Variants in KCNH7 observed in about 807,000 individuals in gnomAD.
KCNH7 encodes potassium voltage-gated channel subfamily H member 7.
A neutral mutation model predicts 120.8 loss-of-function variants in KCNH7; 49 were observed. The observed-to-expected ratio is 0.41, with a 90% CI of 0.32 to 0.51. KCNH7 has a LOEUF of 0.51. Among genes scored for constraint, KCNH7 ranks in the 20% least tolerant of loss-of-function variants. The pLI is 0.38. For missense variants in KCNH7, 1,097 were observed against 1,446.6 expected (o/e 0.76, Z 3.92); for synonymous variants, 547 against 516.1 (o/e 1.06, Z -0.81).
intron 2 of KCNH7, among the ~76,000 whole-genome samples, chr2:162,767,704 G>A (rs1439390579): frequency 6.6e-6 from 1 of 151,816 alleles, no homozygotes; most frequent in Middle Eastern, 3.2e-3. Flanking sequence ...CGTTTTCTCA[G>A]TTTTATCATA....
intron 2 of KCNH7, among the ~76,000 whole-genome samples, chr2:162,571,355 T>G (rs2105899155): frequency 6.6e-6 from 1 of 152,034 alleles, no homozygotes; most frequent in East Asian, 1.9e-4. Context: ...GAAGGACCTC[T>G]TCAAGGAGAA....
At chr2:162,760,208 T>C (rs959802614) in intron 2 of KCNH7, among the ~76,000 whole-genome samples, 8 of 152,260 alleles carry the variant, frequency 5.3e-5, no homozygotes, top group Middle Eastern at 3.4e-3. Context: ...AAACATTTTC[T>C]AGTTTAGTAA....
At chr2:162,649,788 T>C (rs961525165) in intron 2 of KCNH7, among the ~76,000 whole-genome samples, 1 of 152,184 alleles carries the variant, frequency 6.6e-6, no homozygotes, top group African/African-American at 2.4e-5. Flanking sequence ...AATCTCTCTT[T>C]GTTGGGTCAG....
At chr2:162,826,710 G>C (rs953601281) in intron 2 of KCNH7, among the ~76,000 whole-genome samples, 4 of 151,982 alleles carry the variant, frequency 2.6e-5, no homozygotes, top group African/African-American at 9.7e-5. Context: ...GTGTATTGCT[G>C]GGTTCTCGTA....
chr2:162,792,762 GGTGTGTGT>G (rs59397474), intron 2 of KCNH7, among the ~76,000 whole-genome samples: 2,860 of 124,916 alleles, frequency 0.023, 97 homozygotes, highest in African/African-American at 0.073. Context: ...TCTTTTGAAT[GGTGTGTGT>G]GTGTGTGTGT....
intron 12 of KCNH7, among the ~76,000 whole-genome samples, chr2:162,392,811 C>A (rs1190606142): frequency 6.6e-6 from 1 of 151,698 alleles, no homozygotes; most frequent in African/African-American, 2.4e-5. Context: ...AGTTAAGACC[C>A]ACCCTAATAA....
chr2:162,762,852 G>T (rs901688172), intron 2 of KCNH7, among the ~76,000 whole-genome samples: 5 of 151,994 alleles, frequency 3.3e-5, no homozygotes, highest in African/African-American at 9.7e-5. Context: ...AACATGGGAG[G>T]TATGAGTCTT....
At chr2:162,624,633 C>A (rs145668492) in intron 2 of KCNH7, among the ~76,000 whole-genome samples, 1 of 152,038 alleles carries the variant, frequency 6.6e-6, no homozygotes, top group Non-Finnish European at 1.5e-5. Flanking sequence ...GTAATAGACA[C>A]GTCCTTACTC....
chr2:162,824,699 T>A (rs919086287), intron 2 of KCNH7, among the ~76,000 whole-genome samples: 1 of 152,126 alleles, frequency 6.6e-6, no homozygotes, highest in Non-Finnish European at 1.5e-5. Context: ...TCACGTATCA[T>A]ATGTAATTTT....
At chr2:162,404,418 T>C (rs961257224) in intron 9 of KCNH7, among the ~76,000 whole-genome samples, 13 of 151,896 alleles carry the variant, frequency 8.6e-5, no homozygotes, top group Admixed American at 6.6e-4. Context: ...GTTTGGATAT[T>C]TGTCCCATCC....
At chr2:162,599,323 G>A (rs1387214873) in intron 2 of KCNH7, among the ~76,000 whole-genome samples, 1 of 152,000 alleles carries the variant, frequency 6.6e-6, no homozygotes, top group Admixed American at 6.6e-5. Flanking sequence ...CTCCACATAA[G>A]TATTTCCCCC....
intron 2 of KCNH7, among the ~76,000 whole-genome samples, chr2:162,624,902 T>G (rs1349417734): frequency 2.1e-5 from 3 of 141,594 alleles, no homozygotes; most frequent in Admixed American, 1.4e-4. Context: ...TTTTTTTTTT[T>G]TTTTTTTTTT....
At chr2:162,407,841 A>G (rs1180713366) in intron 9 of KCNH7, among the ~76,000 whole-genome samples, 2 of 152,078 alleles carry the variant, frequency 1.3e-5, no homozygotes, top group African/African-American at 4.8e-5. Context: ...ATAAGGAAAA[A>G]GGAGGTACAG....
At chr2:162,792,736 C>G (rs2105522056) in intron 2 of KCNH7, among the ~76,000 whole-genome samples, 1 of 143,454 alleles carries the variant, frequency 7.0e-6, no homozygotes, top group Non-Finnish European at 1.5e-5. Context: ...AAAAACCCAG[C>G]TCCTGGATTT....
At position 162,384,731 on chromosome 2, in the gene KCNH7, G is replaced by A; in HGVS notation, c.2919C>T (p.Thr973=). ...TTTTATCTATGTGCATTCTTCCTGA[G>A]GTGGGCACTGTTTCTTCAAAATCGA... ...SGLDFEETVP[T]SGRMHIDKRS... is the part of the protein sequence containing the mutation. Residue 973 remains threonine, a synonymous_variant, in exon 13 of 16, where the codon ACC becomes ACT. Coordinates refer to ENST00000332142, the MANE Select transcript of KCNH7 (RefSeq NM_033272.4). 2.5e-6 allele frequency: 4 copies of A among 1,612,642 alleles called. No homozygotes were observed. In the South Asian group the frequency reaches 3.3e-5, roughly 13 times the overall value.
chr2:162,650,017 A>G (rs758873746), intron 2 of KCNH7, among the ~76,000 whole-genome samples: 1 of 152,210 alleles, frequency 6.6e-6, no homozygotes, highest in Non-Finnish European at 1.5e-5. Context: ...ACGTTCTTAC[A>G]GCACTTAAAT....
intron 2 of KCNH7, among the ~76,000 whole-genome samples, chr2:162,545,802 T>C (rs1449299682): frequency 5.9e-5 from 9 of 152,188 alleles, no homozygotes; most frequent in Admixed American, 2.6e-4. Flanking sequence ...TTTTATGAGA[T>C]AACTCTGACA....
intron 2 of KCNH7, among the ~76,000 whole-genome samples, chr2:162,808,702 T>C (rs1684633425): frequency 6.6e-6 from 1 of 151,856 alleles, no homozygotes; most frequent in Admixed American, 6.6e-5. Flanking sequence ...TACACACACA[T>C]GCATATGCAA....
At chr2:162,798,264 T>A (rs943479840) in intron 2 of KCNH7, among the ~76,000 whole-genome samples, 3 of 152,064 alleles carry the variant, frequency 2.0e-5, no homozygotes, top group African/African-American at 7.2e-5. Flanking sequence ...AAAATTTACA[T>A]TTTATTCCTT....
Sources: allele counts gnomAD v4.1 joint callset (sites outside exome capture counted in the v4.1 genomes callset), GRCh38; gene constraint gnomAD v4.1.1; transcripts MANE v1.5; gene names NCBI Gene and HGNC (gene_info 2026-07-23, HGNC 2026-07-21).